The following RIMS2 variants were observed in gnomAD, a reference collection of about 807,000 sequenced individuals.
RIMS2 encodes regulating synaptic membrane exocytosis protein 2.
In RIMS2, 59 loss-of-function variants were observed where a neutral mutation model predicts 174.4. That is an observed-to-expected ratio of 0.34 (90% CI 0.27 to 0.42). The LOEUF is 0.42. Ranked by LOEUF, RIMS2 falls within the 10% of genes least tolerant of loss-of-function variation. The pLI is 1.00. For missense variants in RIMS2, 1,620 were observed against 1,666.3 expected, an observed-to-expected ratio of 0.97 and a Z score of 0.48; for synonymous variants, 606 against 572.5, an observed-to-expected ratio of 1.06 and a Z score of -0.84.
At chr8:103,985,667 C>T (rs1203535602) in intron 16 of RIMS2, among the ~76,000 whole-genome samples, 1 of 151,940 alleles carries the variant, frequency 6.6e-6, no homozygotes, top group African/African-American at 2.4e-5. Context: ...AAAAAGATAT[C>T]TGCACTCCCA....
intron 15 of RIMS2, among the ~76,000 whole-genome samples, chr8:103,973,480 T>G (rs958079529): frequency 6.6e-6 from 1 of 152,202 alleles, no homozygotes; most frequent in Non-Finnish European, 1.5e-5. Flanking sequence ...TAAAAAGTCA[T>G]GTTAAATTTT....
chr8:104,236,833 G>T (rs1050957238), intron 19 of RIMS2, among the ~76,000 whole-genome samples: 2 of 152,034 alleles, frequency 1.3e-5, no homozygotes, highest in African/African-American at 4.8e-5. Context: ...ATCAGAAAAA[G>T]CACTTCAGGT....
chr8:103,568,702 C>T (rs2092573807), intron 1 of RIMS2: 1 of 769,672 alleles, frequency 1.3e-6, no homozygotes, highest in Non-Finnish European at 2.3e-6. Context: ...TGGTTTTGTT[C>T]TTCTAGCTTA....
At chr8:103,825,507 G>A (rs1410581313) in intron 3 of RIMS2, among the ~76,000 whole-genome samples, 1 of 146,830 alleles carries the variant, frequency 6.8e-6, no homozygotes, top group East Asian at 2.0e-4. Context: ...CTGGTCTCAA[G>A]CTCCTGAGCT....
intron 2 of RIMS2, among the ~76,000 whole-genome samples, chr8:103,698,923 T>A (rs1357788237): frequency 6.6e-6 from 1 of 152,196 alleles, no homozygotes; most frequent in African/African-American, 2.4e-5. Flanking sequence ...CTCTTCAACA[T>A]TTTGGAAGAG....
intron 4 of RIMS2, among the ~76,000 whole-genome samples, chr8:103,897,055 C>T (rs1419803838): frequency 6.6e-6 from 1 of 151,716 alleles, no homozygotes; most frequent in Non-Finnish European, 1.5e-5. Flanking sequence ...AAGCATGATA[C>T]ATACATCTTT....
intron 19 of RIMS2, chr8:104,094,387 A>C: frequency 1.8e-6 from 1 of 568,486 alleles, no homozygotes; most frequent in East Asian, 2.8e-5. Context: ...AGTTTTTATT[A>C]CCTTTCTGTT....
At chr8:103,505,012 C>T (rs530169874) in intron 1 of RIMS2, among the ~76,000 whole-genome samples, 2 of 151,542 alleles carry the variant, frequency 1.3e-5, no homozygotes, top group African/African-American at 4.8e-5. Context: ...TCATGACACT[C>T]GACTAATTTA....
intron 1 of RIMS2, among the ~76,000 whole-genome samples, chr8:103,595,858 C>A (rs1219765798): frequency 6.6e-6 from 1 of 151,920 alleles, no homozygotes; most frequent in Non-Finnish European, 1.5e-5. Context: ...CCACAGAAAA[C>A]CTCTTCCATC....
intron 2 of RIMS2, among the ~76,000 whole-genome samples, chr8:103,726,973 G>T (rs758798037): frequency 6.6e-6 from 1 of 151,416 alleles, no homozygotes; most frequent in African/African-American, 2.4e-5. Flanking sequence ...TGCTGACCTT[G>T]TGATCTGCCC....
At chr8:104,145,810 T>C (rs1412335723) in intron 19 of RIMS2, among the ~76,000 whole-genome samples, 4 of 151,744 alleles carry the variant, frequency 2.6e-5, no homozygotes, top group Admixed American at 2.0e-4. Context: ...TGCGGTGAGC[T>C]AGATCGCGCC....
chr8:103,967,382 C>T (rs910193908), intron 15 of RIMS2, among the ~76,000 whole-genome samples: 2 of 151,608 alleles, frequency 1.3e-5, no homozygotes, highest in Non-Finnish European at 2.9e-5. Context: ...TTAGTAGAGA[C>T]AGGATTTCTC....
At chr8:103,749,108 C>CT (rs1393221049) in intron 2 of RIMS2, among the ~76,000 whole-genome samples, 1 of 121,954 alleles carries the variant, frequency 8.2e-6, no homozygotes, top group Admixed American at 1.0e-4. Flanking sequence ...CATATGCTTT[C>CT]TATTTTTTTT....
chr8:104,006,832 G>A (rs992925743), intron 17 of RIMS2, among the ~76,000 whole-genome samples: 10 of 151,736 alleles, frequency 6.6e-5, no homozygotes, highest in African/African-American at 2.2e-4. Flanking sequence ...GTTTTTGTAT[G>A]TGCCTTTTTT....
chr8:103,851,496 T>C (rs912831989), intron 3 of RIMS2, among the ~76,000 whole-genome samples: 1 of 151,770 alleles, frequency 6.6e-6, no homozygotes, highest in African/African-American at 2.4e-5. Flanking sequence ...AACAATGAGA[T>C]TTCAAATATA....
intron 19 of RIMS2, among the ~76,000 whole-genome samples, chr8:104,032,990 A>G (rs1303877656): frequency 6.6e-6 from 1 of 151,980 alleles, no homozygotes; most frequent in East Asian, 1.9e-4. Context: ...TTACAATTGT[A>G]GTAAGTGCTA....
intron 1 of RIMS2, among the ~76,000 whole-genome samples, chr8:103,549,012 A>G (rs1846361411): frequency 6.6e-6 from 1 of 152,202 alleles, no homozygotes; most frequent in Admixed American, 6.5e-5. Flanking sequence ...GCTCAAAGAA[A>G]TCAGAGATAC....
chr8:104,076,000 A>T (rs1171879683), intron 19 of RIMS2, among the ~76,000 whole-genome samples: 1 of 152,090 alleles, frequency 6.6e-6, no homozygotes, highest in Admixed American at 6.6e-5. Flanking sequence ...TTAATTAGTC[A>T]CCTGACGTGT....
chr8:103,640,097 T>C (rs993799495), intron 1 of RIMS2, among the ~76,000 whole-genome samples: 1 of 151,930 alleles, frequency 6.6e-6, no homozygotes, highest in African/African-American at 2.4e-5. Context: ...AAAATAGACA[T>C]AGACCTCTCC....
Sources: allele counts gnomAD v4.1 joint callset (sites outside exome capture counted in the v4.1 genomes callset), GRCh38; gene constraint gnomAD v4.1.1; transcripts MANE v1.5; gene names NCBI Gene and HGNC (gene_info 2026-07-23, HGNC 2026-07-21).